Variants in PPFIA2 observed in about 807,000 individuals in gnomAD.
PPFIA2 encodes the protein PPFI scaffold protein A2.
In PPFIA2, 46 loss-of-function variants were observed where a neutral mutation model predicts 175.5. That is an observed-to-expected ratio of 0.26 (90% CI 0.21 to 0.34). The LOEUF (loss-of-function observed/expected upper bound fraction) is 0.34, where lower values mean the gene tolerates loss of function less well. PPFIA2 is among the 10% of genes least tolerant of loss of function. The pLI, the probability that PPFIA2 is intolerant of heterozygous loss-of-function variation, is 1.00. For missense variants in PPFIA2, 1,179 were observed against 1,506.1 expected (o/e 0.78, Z 3.60); for synonymous variants, 568 against 511.4 (o/e 1.11, Z -1.49).
intron 16 of PPFIA2, among the ~76,000 whole-genome samples, chr12:81,355,895 C>T (rs959762884): frequency 6.6e-6 from 1 of 152,160 alleles, no homozygotes; most frequent in Admixed American, 6.6e-5. Context: ...ACCACTAAAA[C>T]GTTCTCCATA....
intron 4 of PPFIA2, among the ~76,000 whole-genome samples, chr12:81,477,229 G>T (rs2057587675): frequency 1.3e-5 from 2 of 150,986 alleles, no homozygotes; most frequent in African/African-American, 4.9e-5. Flanking sequence ...TTTAAAAAAA[G>T]AAAAAAAAGG....
chr12:81,723,545 C>T (rs1047361501), intron 3 of PPFIA2, among the ~76,000 whole-genome samples: 1 of 151,022 alleles, frequency 6.6e-6, no homozygotes, highest in Middle Eastern at 3.4e-3. Flanking sequence ...ATTATAGTCA[C>T]CTATTCTGTC....
chr12:81,664,640 G>A (rs916589302), intron 4 of PPFIA2, among the ~76,000 whole-genome samples: 1 of 151,994 alleles, frequency 6.6e-6, no homozygotes, highest in South Asian at 2.1e-4. Context: ...GATTCCTCAG[G>A]GATCTAGAAC....
intron 4 of PPFIA2, among the ~76,000 whole-genome samples, chr12:81,620,553 G>A (rs1216658064): frequency 6.6e-6 from 1 of 152,186 alleles, no homozygotes; most frequent in Non-Finnish European, 1.5e-5. Context: ...GCCAGAGAAT[G>A]CCTAACGAAC....
At chr12:81,388,451 T>G (rs1158128521) in intron 8 of PPFIA2, among the ~76,000 whole-genome samples, 6 of 151,970 alleles carry the variant, frequency 3.9e-5, no homozygotes, top group Non-Finnish European at 7.4e-5. Context: ...CATCCTAATC[T>G]ATCATGGCAG....
chr12:81,310,480 A>C (rs2050488205), intron 22 of PPFIA2, among the ~76,000 whole-genome samples: 1 of 152,180 alleles, frequency 6.6e-6, no homozygotes, highest in South Asian at 2.1e-4. Flanking sequence ...ACAGTCCATT[A>C]ATAAGAATGC....
rs1278197350 is a variant in PPFIA2, at chr12:81,258,068, C to CT, written c.*1625dup. The CT allele has an allele frequency of 6.6e-6, 1 of 152,036 alleles. No homozygotes were observed. Among genetic ancestry groups the CT allele is most frequent in the African/African-American group, 2.4e-5 (1 of 41,426 alleles). 9.4% of individuals were successfully genotyped at this position (152,036 alleles called of 1,614,324 possible). ...ATGTTTAGATGAGCTTAGAAAGCTA[C>CT]TTCTCATTGTTCCTACTCAGGCCAC... On this transcript the variant is annotated 3_prime_UTR_variant, in exon 33 of 33. Transcript: ENST00000549396.
intron 4 of PPFIA2, among the ~76,000 whole-genome samples, chr12:81,652,096 CTA>C (rs2067117006): frequency 6.6e-6 from 1 of 151,314 alleles, no homozygotes; most frequent in Non-Finnish European, 1.5e-5. Flanking sequence ...TTCTACATTT[CTA>C]TGAGTCTAAA....
chr12:81,658,285 G>A (rs201098596), intron 4 of PPFIA2, among the ~76,000 whole-genome samples: 88 of 50,072 alleles, frequency 1.8e-3, no homozygotes, highest in African/African-American at 6.0e-3. Context: ...AAAAAAAAAA[G>A]AAAAGAAAAG....
At chr12:81,271,622 TA>T (rs1393343243) in intron 28 of PPFIA2, among the ~76,000 whole-genome samples, 1 of 152,192 alleles carries the variant, frequency 6.6e-6, no homozygotes, top group East Asian at 1.9e-4. Flanking sequence ...TAGTGACACT[TA>T]AAGCTTATAA....
chr12:81,595,526 G>T (rs1021778116), intron 4 of PPFIA2, among the ~76,000 whole-genome samples: 1 of 151,984 alleles, frequency 6.6e-6, no homozygotes, highest in Non-Finnish European at 1.5e-5. Context: ...GTAGAAAACT[G>T]CAGGCACAAG....
Position 81,276,197 on chromosome 12 carries a change from T to A in PPFIA2, c.3310+1120A>T, listed in dbSNP as rs552026513. On this transcript the variant is annotated intron_variant, in intron 28 of 32. Coordinates refer to ENST00000549396, the MANE Select transcript of PPFIA2 (RefSeq NM_003625.5). ...AAGTCAAATACCTCATGCTTTCACT[T>A]ACAAGTGGGCAATAAATAATGTGTC... is the stretch of plus-strand genomic sequence containing the variant. Among the ~76,000 whole-genome samples, 78 of 152,298 alleles carry A rather than the reference T, an allele frequency of 5.1e-4. 1 individual carries two copies. The highest frequency in any genetic ancestry group is 1.8e-3 in the African/African-American group (74 of 41,562).
At position 81,754,143 on chromosome 12, in the gene PPFIA2, A is replaced by G; in HGVS notation, c.79T>C (p.Ser27Pro). 1 of 1,613,374 alleles carries G rather than the reference A, an allele frequency of 6.2e-7. No individual in the cohort carries two copies. The highest frequency in any genetic ancestry group is 8.5e-7 in the Non-Finnish European group (1 of 1,179,650). Residue 27 changes from serine to proline, a missense_variant, in exon 3 of 33, where the codon TCA (serine) becomes CCA (proline). By Grantham distance (74) the Ser-to-Pro change is moderately conservative (BLOSUM62 -1). Coordinates refer to ENST00000549396, the MANE Select transcript of PPFIA2 (RefSeq NM_003625.5). ...ATCAGCTGCTCAAAATGGGAGTCTG[A>G]GTCCGAGCCACTGCTTTGGGACCCC... Reference protein sequence around the residue: ...QRGSQSSGSDSDSHFEQLMVN... With the variant: ...QRGSQSSGSDPDSHFEQLMVN...
At chr12:81,356,779 A>C (rs1253977416) in intron 16 of PPFIA2, among the ~76,000 whole-genome samples, 6 of 152,238 alleles carry the variant, frequency 3.9e-5, no homozygotes, top group Non-Finnish European at 8.8e-5. Flanking sequence ...CAAGGTTATC[A>C]GGAACCTTCA....
chr12:81,461,832 T>C (rs995124707), intron 4 of PPFIA2, among the ~76,000 whole-genome samples: 4 of 152,108 alleles, frequency 2.6e-5, no homozygotes, highest in African/African-American at 7.2e-5. Context: ...ACTAATTCAT[T>C]TTTAAAAGCA....
chr12:81,647,812 CTATAAAA>C (rs1165283920), intron 4 of PPFIA2, among the ~76,000 whole-genome samples: 36 of 135,368 alleles, frequency 2.7e-4, no homozygotes, highest in Admixed American at 5.6e-4. Context: ...ATTATATATA[CTATAAAA>C]TATATAGTAT....
At chr12:81,289,512 C>A (rs2044331029) in intron 24 of PPFIA2, among the ~76,000 whole-genome samples, 1 of 151,758 alleles carries the variant, frequency 6.6e-6, no homozygotes, top group South Asian at 2.1e-4. Flanking sequence ...GTTGGAAAAA[C>A]CAGAGATAGG....
chr12:81,748,166 A>G (rs557773515), intron 3 of PPFIA2, among the ~76,000 whole-genome samples: 2 of 143,988 alleles, frequency 1.4e-5, no homozygotes, highest in Admixed American at 7.3e-5. Flanking sequence ...TTTCTCTTCA[A>G]TAGTCTTTAT....
At chr12:81,591,461 G>A (rs1010178309) in intron 4 of PPFIA2, among the ~76,000 whole-genome samples, 51 of 152,202 alleles carry the variant, frequency 3.4e-4, no homozygotes, top group African/African-American at 1.2e-3. Flanking sequence ...CAAGACAATA[G>A]TGAAAATGTC....
Sources: gnomAD v4.1 joint callset for allele counts (sites outside exome capture counted in the v4.1 genomes callset) on GRCh38, gnomAD v4.1.1 for gene constraint, MANE v1.5 for transcripts, NCBI Gene and HGNC (gene_info 2026-07-23, HGNC 2026-07-21) for gene names.